The following ZNF75D variants were observed in gnomAD, a reference collection of about 807,000 sequenced individuals.
ZNF75D encodes zinc finger protein 75D, also known as zinc finger protein 75.
ZNF75D carries 33 observed loss-of-function variants against 33.3 expected under a neutral mutation model. That is an observed-to-expected ratio of 0.99 (90% confidence interval 0.75 to 1.32). ZNF75D has a LOEUF of 1.32. Among genes scored for constraint, ZNF75D ranks in the 40% most tolerant of loss-of-function variants. ZNF75D has a pLI of 0.00. For missense variants in ZNF75D, 338 were observed against 367.5 expected (o/e 0.92, Z 0.66); for synonymous variants, 113 against 130.6 (o/e 0.87, Z 0.92).
chrX:135,250,384 TA>T (rs1163194842), intron 3 of ZNF75D, among the ~76,000 whole-genome samples: 6 of 95,657 alleles, frequency 6.3e-5, no homozygotes, highest in Middle Eastern at 5.0e-3. Context: ...TGGGTCGCTT[TA>T]AAAAAAAAAT....
intron 1 of ZNF75D, among the ~76,000 whole-genome samples, chrX:135,322,504 T>C (rs868932946): frequency 2.7e-5 from 3 of 112,197 alleles, no homozygotes; most frequent in Non-Finnish European, 5.6e-5. Flanking sequence ...CTTTCTCTCT[T>C]TCTCTCCAAA....
At chrX:135,288,265 T>G (rs1251525047) in intron 6 of ZNF75D, among the ~76,000 whole-genome samples, 2 of 112,294 alleles carry the variant, frequency 1.8e-5, no homozygotes, top group African/African-American at 6.5e-5. Flanking sequence ...AAATAGAATA[T>G]GTGACTAGCG....
intron 6 of ZNF75D, among the ~76,000 whole-genome samples, chrX:135,289,617 C>T (rs2084006941): frequency 1.4e-5 from 1 of 70,121 alleles, no homozygotes; most frequent in Non-Finnish European, 2.6e-5. Context: ...CTCTGACACA[C>T]ACACACACAG....
chrX:135,323,946 A>G (rs1381830306), intron 1 of ZNF75D, among the ~76,000 whole-genome samples: 1 of 109,862 alleles, frequency 9.1e-6, no homozygotes, highest in East Asian at 2.8e-4. Flanking sequence ...GTGATAGTGG[A>G]CATTGTTTAG....
chrX:135,278,793 A>C (rs2083909525), intron 1 of ZNF75D, among the ~76,000 whole-genome samples: 2 of 112,216 alleles, frequency 1.8e-5, no homozygotes, highest in Admixed American at 9.4e-5. Context: ...GATTATGTTT[A>C]TTGGTTTGCA....
At chrX:135,256,426 TG>T (rs35730916) in intron 1 of ZNF75D, among the ~76,000 whole-genome samples, 1 of 110,717 alleles carries the variant, frequency 9.0e-6, no homozygotes, top group Non-Finnish European at 1.9e-5. Context: ...GGTGTGTGTG[TG>T]GGGGGGTGCA....
chrX:135,272,646 C>T (rs974916551), intron 1 of ZNF75D, among the ~76,000 whole-genome samples: 7 of 110,596 alleles, frequency 6.3e-5, no homozygotes, highest in African/African-American at 2.0e-4. Context: ...GGGGAAAGAA[C>T]TGCAGGTAAA....
chrX:135,291,516 T>C lies in ZNF75D; in HGVS notation c.652A>G (p.Lys218Glu). The C allele has an allele frequency of 8.3e-7, 1 of 1,211,884 alleles. No homozygotes were observed. ...MLALSEQKRI[K>E]HWKMASKLIL... ...AGTTTAGATGCCATCTTCCAGTGTT[T>C]GATTCTTTTCTGCTCAGAAAGGGCT... is the stretch of plus-strand genomic sequence containing the variant. The change falls in exon 5 of 7, where the codon AAA (lysine) becomes GAA (glutamate). Residue 218 changes from lysine to glutamate, a missense_variant. By Grantham distance (56) the Lys-to-Glu change is moderately conservative. Transcript: ENST00000370766.
At chrX:135,311,437 T>C (rs1345732424) in intron 1 of ZNF75D, among the ~76,000 whole-genome samples, 1 of 112,456 alleles carries the variant, frequency 8.9e-6, no homozygotes, top group African/African-American at 3.2e-5. Context: ...TAAATAAAAA[T>C]TGTGTCATGT....
intron 1 of ZNF75D, among the ~76,000 whole-genome samples, chrX:135,271,887 A>G (rs2083884452): frequency 9.0e-6 from 1 of 111,659 alleles, no homozygotes; most frequent in African/African-American, 3.3e-5. Context: ...TGGTGATGGC[A>G]TGCCTACCTT....
chrX:135,259,018 G>C (rs1556415022), intron 1 of ZNF75D, among the ~76,000 whole-genome samples: 1 of 112,050 alleles, frequency 8.9e-6, no homozygotes, highest in African/African-American at 3.2e-5. Context: ...CATATGGCTA[G>C]CCAGTTTTCC....
intron 1 of ZNF75D, among the ~76,000 whole-genome samples, chrX:135,296,373 G>A (rs1484700676): frequency 8.9e-6 from 1 of 111,882 alleles, no homozygotes; most frequent in Non-Finnish European, 1.9e-5. Context: ...GATTGTTCCT[G>A]CTGGCTTCCT....
At chrX:135,285,172 C>T (rs1325036231), downstream of ZNF75D, among the ~76,000 whole-genome samples, 1 of 111,588 alleles carries the variant, frequency 9.0e-6, no homozygotes, top group Non-Finnish European at 1.9e-5. Context: ...TCTTTTTAGT[C>T]GCCATTATGT....
intron 1 of ZNF75D, among the ~76,000 whole-genome samples, chrX:135,325,341 C>T (rs1260733398): frequency 1.8e-5 from 2 of 110,197 alleles, no homozygotes; most frequent in African/African-American, 6.6e-5. Flanking sequence ...TCTGCCTGGG[C>T]TCCCACTTTG....
chrX:135,291,548 T>G lies in ZNF75D; in HGVS notation c.620A>C (p.Gln207Pro). The stretch of plus-strand genomic sequence containing the variant: ...TTTCTGCTCAGAAAGGGCTAACATC[T>G]GTTGATCATGCACAGCTGTGGGTAG... ...PVYERAVHDQ[Q>P]MLALSEQKRI... The change falls in exon 5 of 7, where the codon CAG (glutamine) becomes CCG (proline). Residue 207 changes from glutamine to proline, a missense_variant. Gln to Pro is a moderately conservative substitution (Grantham distance 76). Transcript: ENST00000370766. The G allele has an allele frequency of 8.3e-7, 1 of 1,210,097 alleles. No individual in the cohort carries two copies. The highest frequency in any genetic ancestry group is 1.1e-6 in the Non-Finnish European group (1 of 893,852).
downstream of ZNF75D, among the ~76,000 whole-genome samples, chrX:135,283,666 T>C (rs940890343): frequency 1.2e-4 from 13 of 111,676 alleles, no homozygotes; most frequent in Non-Finnish European, 2.3e-4. Flanking sequence ...GGGCCCCTCC[T>C]CCTCTCCTTC....
Position 135,291,478 on chromosome X carries a change from C to T in ZNF75D, c.690G>A (p.Glu230=), listed in dbSNP as rs55798030. ...GCCAGAAATAACAGCTCACCAGGGA[C>T]TCAGGCAGGATGAGTTTAGATGCCA... The part of the protein sequence containing the change: ...WKMASKLILP[E]SLSLLTFEDV... Residue 230 remains glutamate (E), a synonymous_variant, in exon 5 of 7, where the codon GAG becomes GAA. Coordinates refer to ENST00000370766, the MANE Select transcript of ZNF75D (RefSeq NM_007131.5). 3.2e-5 allele frequency: 39 copies of T among 1,210,426 alleles called. No homozygotes were observed. Among genetic ancestry groups the T allele is most frequent in the Non-Finnish European group, 4.2e-5 (38 of 895,229 alleles).
At chrX:135,265,782 C>G (rs2083860818) in intron 1 of ZNF75D, among the ~76,000 whole-genome samples, 1 of 111,783 alleles carries the variant, frequency 8.9e-6, no homozygotes. Context: ...ACAAAACTCA[C>G]TGGTATTAGT....
At chrX:135,303,036 A>T (rs1284629765) in intron 1 of ZNF75D, among the ~76,000 whole-genome samples, 1 of 110,939 alleles carries the variant, frequency 9.0e-6, no homozygotes, top group Non-Finnish European at 1.9e-5. Flanking sequence ...TAAAGAATTA[A>T]GTGCTGTGCT....
Sources: gnomAD v4.1 joint callset for allele counts (sites outside exome capture counted in the v4.1 genomes callset) on GRCh38, gnomAD v4.1.1 for gene constraint, MANE v1.5 for transcripts, NCBI Gene and HGNC (gene_info 2026-07-23, HGNC 2026-07-21) for gene names.